Variants in CSMD1 observed in about 807,000 individuals in gnomAD.
CSMD1 encodes CUB and sushi domain-containing protein 1.
In CSMD1, 213 loss-of-function variants were observed where a neutral mutation model predicts 417.5. The ratio of observed to expected loss-of-function variants is 0.51; its 90% CI spans 0.46 to 0.57. The LOEUF (loss-of-function observed/expected upper bound fraction) is 0.57, where lower values mean the gene tolerates loss of function less well. Among genes scored for constraint, CSMD1 ranks in the 20% least tolerant of loss-of-function variants. The pLI, the probability that CSMD1 is intolerant of heterozygous loss-of-function variation, is 0.00. For synonymous variants in CSMD1, 2,862 were observed against 1,736.8 expected (o/e 1.65, Z -16.11); for missense variants, 6,923 against 4,529.7 (o/e 1.53, Z -15.17).
chr8:4,140,915 C>G (rs1334813375), intron 3 of CSMD1, among the ~76,000 whole-genome samples: 1 of 151,110 alleles, frequency 6.6e-6, no homozygotes, highest in South Asian at 2.1e-4. Flanking sequence ...GGCCGACTTA[C>G]TGCTAACAAA....
chr8:3,752,230 G>T (rs1425590712), intron 6 of CSMD1, among the ~76,000 whole-genome samples: 1 of 150,406 alleles, frequency 6.6e-6, no homozygotes, highest in Non-Finnish European at 1.5e-5. Flanking sequence ...CCAGGTGAAG[G>T]GAAAGCACAT....
chr8:4,240,684 A>C (rs1026248603), intron 3 of CSMD1, among the ~76,000 whole-genome samples: 2 of 152,094 alleles, frequency 1.3e-5, no homozygotes, highest in South Asian at 4.1e-4. Context: ...CCCATCCCCT[A>C]ATGTAAATGT....
At chr8:3,968,570 A>G (rs1186675423) in intron 5 of CSMD1, among the ~76,000 whole-genome samples, 1 of 152,212 alleles carries the variant, frequency 6.6e-6, no homozygotes. Flanking sequence ...ACAATAACCA[A>G]GAGAACAGGT....
chr8:4,419,041 A>T (rs561214879), intron 3 of CSMD1, among the ~76,000 whole-genome samples: 62 of 152,310 alleles, frequency 4.1e-4, no homozygotes, highest in Non-Finnish European at 5.1e-4. Flanking sequence ...TGTATATTTT[A>T]ACTTCCCACA....
chr8:2,955,861 G>C lies in CSMD1; in HGVS notation c.9815-93C>G. On this transcript the variant is annotated intron_variant, in intron 63 of 69. Transcript: ENST00000635120. ...TAATAGATTAAAATAGTTTGGAAATGGTTATGCAGTCAATATGTATATATA... is the reference window on the plus strand; with the variant it reads ...TAATAGATTAAAATAGTTTGGAAATCGTTATGCAGTCAATATGTATATATA... 2.8e-6 allele frequency: 3 copies of C among 1,088,148 alleles called. No individual in the cohort carries two copies. In the South Asian group the frequency reaches 4.5e-5, roughly 16 times the overall value. The allele number at this position is 1,088,148 out of a possible 1,614,324, so 67.4% of individuals were successfully genotyped here. A position where few individuals can be genotyped will look rare whatever the true frequency, so the allele number is the denominator to read the frequency against.
At chr8:4,257,957 TTGTC>T (rs1180440143) in intron 3 of CSMD1, among the ~76,000 whole-genome samples, 1 of 152,144 alleles carries the variant, frequency 6.6e-6, no homozygotes, top group African/African-American at 2.4e-5. Context: ...ATTAGAATCT[TTGTC>T]TGCTCAAGCT....
At chr8:4,642,842 T>A (rs189619997) in intron 1 of CSMD1, among the ~76,000 whole-genome samples, 2 of 152,178 alleles carry the variant, frequency 1.3e-5, no homozygotes, top group Non-Finnish European at 2.9e-5. Context: ...CAAAGATATT[T>A]TGACATGTAA....
chr8:4,207,611 A>T (rs974232076), intron 3 of CSMD1, among the ~76,000 whole-genome samples: 2 of 152,158 alleles, frequency 1.3e-5, no homozygotes, highest in Non-Finnish European at 1.5e-5. Flanking sequence ...ATTCAGTAAG[A>T]CTGGCAACAT....
chr8:3,640,463 G>C (rs1226014552), intron 7 of CSMD1, among the ~76,000 whole-genome samples: 1 of 152,156 alleles, frequency 6.6e-6, no homozygotes, highest in African/African-American at 2.4e-5. Context: ...CTCAACTCTG[G>C]AAATAGTTGC....
chr8:4,402,634 C>G (rs983867912), intron 3 of CSMD1, among the ~76,000 whole-genome samples: 8 of 152,034 alleles, frequency 5.3e-5, no homozygotes, highest in African/African-American at 4.8e-5. Context: ...TCTTGCAAGA[C>G]CTATCCCTCA....
intron 26 of CSMD1, among the ~76,000 whole-genome samples, chr8:3,244,866 A>G (rs1351460007): frequency 6.6e-6 from 1 of 152,136 alleles, no homozygotes; most frequent in East Asian, 1.9e-4. Flanking sequence ...GCAGCCTCAG[A>G]TTTTTAGGAC....
At chr8:3,420,330 G>T (rs1813406180) in intron 12 of CSMD1, among the ~76,000 whole-genome samples, 1 of 151,066 alleles carries the variant, frequency 6.6e-6, no homozygotes, top group Non-Finnish European at 1.5e-5. Flanking sequence ...TCAAACCAAG[G>T]AAAGGCAGTA....
chr8:4,158,760 G>C (rs982422699), intron 3 of CSMD1, among the ~76,000 whole-genome samples: 1 of 152,004 alleles, frequency 6.6e-6, no homozygotes, highest in East Asian at 1.9e-4. Flanking sequence ...TCACTTGATG[G>C]GTGTGAACAC....
intron 5 of CSMD1, among the ~76,000 whole-genome samples, chr8:3,833,181 A>C (rs1353454090): frequency 6.6e-6 from 1 of 152,134 alleles, no homozygotes; most frequent in Admixed American, 6.6e-5. Context: ...AATCACTTTA[A>C]TTTGTCCAAA....
intron 4 of CSMD1, among the ~76,000 whole-genome samples, chr8:4,018,176 A>C (rs966334252): frequency 6.6e-6 from 1 of 152,206 alleles, no homozygotes; most frequent in Admixed American, 6.5e-5. Context: ...TAAAAAATAA[A>C]TACACATCTT....
At chr8:4,663,310 T>C (rs190275879) in intron 1 of CSMD1, among the ~76,000 whole-genome samples, 73 of 152,298 alleles carry the variant, frequency 4.8e-4, no homozygotes, top group African/African-American at 1.7e-3. Flanking sequence ...ACAAAGCCCA[T>C]CTTTTTAAAG....
intron 5 of CSMD1, among the ~76,000 whole-genome samples, chr8:3,835,570 G>C (rs1802639263): frequency 6.6e-6 from 1 of 152,048 alleles, no homozygotes; most frequent in African/African-American, 2.4e-5. Flanking sequence ...GACTGTTGTG[G>C]GGAGCGGGGA....
intron 4 of CSMD1, among the ~76,000 whole-genome samples, chr8:4,011,691 A>G (rs528524933): frequency 1.3e-5 from 2 of 152,320 alleles, no homozygotes; most frequent in East Asian, 3.9e-4. Flanking sequence ...AAATAATTAG[A>G]AAGTCACAAG....
intron 3 of CSMD1, among the ~76,000 whole-genome samples, chr8:4,243,611 T>C (rs1314018931): frequency 6.6e-6 from 1 of 152,164 alleles, no homozygotes; most frequent in Non-Finnish European, 1.5e-5. Flanking sequence ...ACTATTTCCT[T>C]AACCACCGAA....
Sources: allele counts gnomAD v4.1 joint callset (sites outside exome capture counted in the v4.1 genomes callset), GRCh38; gene constraint gnomAD v4.1.1; transcripts MANE v1.5; gene names NCBI Gene and HGNC (gene_info 2026-07-23, HGNC 2026-07-21).